The following ANKRD44 variants were observed in gnomAD, a reference collection of about 807,000 sequenced individuals.
The protein encoded by ANKRD44 is serine/threonine-protein phosphatase 6 regulatory ankyrin repeat subunit B.
ANKRD44 carries 35 observed loss-of-function variants against 116.0 expected under a neutral mutation model. The ratio of observed to expected loss-of-function variants is 0.30; its 90% CI spans 0.23 to 0.40. ANKRD44 has a LOEUF of 0.40. ANKRD44 is among the 10% of genes least tolerant of loss of function. The pLI is 1.00. For missense variants in ANKRD44, 1,014 were observed against 1,242.6 expected (o/e 0.82, Z 2.77); for synonymous variants, 435 against 461.8 (o/e 0.94, Z 0.74).
At chr2:197,081,981 G>A (rs1483520171) in intron 14 of ANKRD44, among the ~76,000 whole-genome samples, 1 of 152,140 alleles carries the variant, frequency 6.6e-6, no homozygotes, top group African/African-American at 2.4e-5. Flanking sequence ...TAACAATCAA[G>A]TTGCCCACCC....
intron 21 of ANKRD44, among the ~76,000 whole-genome samples, chr2:196,974,707 T>G (rs2075744437): frequency 6.6e-6 from 1 of 151,932 alleles, no homozygotes; most frequent in Non-Finnish European, 1.5e-5. Flanking sequence ...CTGGCCAACA[T>G]GTTGAAACCC....
chr2:197,187,546 A>T (rs891587593), intron 1 of ANKRD44, among the ~76,000 whole-genome samples: 7 of 152,230 alleles, frequency 4.6e-5, no homozygotes, highest in Admixed American at 3.3e-4. Flanking sequence ...CTTTAAGGAG[A>T]TAATTCAGAT....
chr2:197,050,227 G>C (rs540655589), intron 16 of ANKRD44, among the ~76,000 whole-genome samples: 15 of 152,046 alleles, frequency 9.9e-5, no homozygotes, highest in African/African-American at 3.4e-4. Flanking sequence ...CAACACCAAG[G>C]GGGATAGTGC....
intron 9 of ANKRD44, among the ~76,000 whole-genome samples, chr2:197,102,577 T>C (rs1263518821): frequency 6.6e-6 from 1 of 152,228 alleles, no homozygotes; most frequent in African/African-American, 2.4e-5. Context: ...TCATATGTTA[T>C]AGAAGGACCA....
At chr2:197,130,577 T>A (rs1279883070) in intron 4 of ANKRD44, among the ~76,000 whole-genome samples, 1 of 152,202 alleles carries the variant, frequency 6.6e-6, no homozygotes. Flanking sequence ...CCAGAGAGTT[T>A]AAATGCACTA....
intron 18 of ANKRD44, among the ~76,000 whole-genome samples, chr2:197,009,726 C>T (rs1258591050): frequency 6.6e-6 from 1 of 152,158 alleles, no homozygotes; most frequent in Non-Finnish European, 1.5e-5. Context: ...CCGCTGGATC[C>T]CCCTCGGCTT....
intron 1 of ANKRD44, chr2:197,263,298 C>T: frequency 1.5e-6 from 1 of 656,468 alleles, no homozygotes; most frequent in South Asian, 1.5e-5. Flanking sequence ...GAAAGCAGCG[C>T]CATTTCAAGG....
chr2:197,095,523 C>T (rs1330264476), intron 10 of ANKRD44, among the ~76,000 whole-genome samples: 2 of 152,190 alleles, frequency 1.3e-5, no homozygotes, highest in Non-Finnish European at 2.9e-5. Context: ...AAAGAGCCTG[C>T]ACCTCAGCCA....
chr2:197,077,616 G>C (rs1208623696), intron 16 of ANKRD44, among the ~76,000 whole-genome samples: 1 of 152,132 alleles, frequency 6.6e-6, no homozygotes, highest in East Asian at 1.9e-4. Context: ...TCCAAAATAG[G>C]AATACATAAA....
At chr2:197,168,465 C>G (rs1023891777) in intron 2 of ANKRD44, among the ~76,000 whole-genome samples, 1 of 152,176 alleles carries the variant, frequency 6.6e-6, no homozygotes, top group Non-Finnish European at 1.5e-5. Context: ...GGGACTCTAA[C>G]AACAAGATTT....
At chr2:197,215,375 T>C (rs1372282132) in intron 1 of ANKRD44, among the ~76,000 whole-genome samples, 1 of 152,202 alleles carries the variant, frequency 6.6e-6, no homozygotes, top group Non-Finnish European at 1.5e-5. Flanking sequence ...TGCATGTCAT[T>C]GGCTAGGCTT....
At chr2:197,146,905 C>A in intron 3 of ANKRD44, 122 bp downstream of exon 3, 2 of 680,066 alleles carry the variant, frequency 2.9e-6, no homozygotes, top group Non-Finnish European at 4.8e-6. Context: ...AATCGCCTAT[C>A]ACATAAACTT....
intron 9 of ANKRD44, among the ~76,000 whole-genome samples, chr2:197,101,789 A>G (rs1462687159): frequency 6.6e-6 from 1 of 152,226 alleles, no homozygotes; most frequent in Non-Finnish European, 1.5e-5. Context: ...TGTGGGGAGT[A>G]CTTTGTTCAA....
chr2:197,179,686 T>C (rs767837281), intron 2 of ANKRD44, among the ~76,000 whole-genome samples: 7 of 152,226 alleles, frequency 4.6e-5, no homozygotes, highest in Non-Finnish European at 1.0e-4. Flanking sequence ...TGTCTCTCTT[T>C]TGGAGGCTGG....
At chr2:196,992,510 A>T (rs745471435) in intron 27 of ANKRD44, among the ~76,000 whole-genome samples, 5 of 152,204 alleles carry the variant, frequency 3.3e-5, no homozygotes, top group Non-Finnish European at 7.3e-5. Context: ...ACACCAGGAA[A>T]AGCAAAACTA....
At chr2:197,220,454 G>A (rs925894474) in intron 1 of ANKRD44, among the ~76,000 whole-genome samples, 1 of 152,068 alleles carries the variant, frequency 6.6e-6, no homozygotes, top group African/African-American at 2.4e-5. Flanking sequence ...TATTGTCATT[G>A]TGTATTTCAA....
At chr2:197,132,616 G>A (rs2079119731) in intron 4 of ANKRD44, among the ~76,000 whole-genome samples, 1 of 152,062 alleles carries the variant, frequency 6.6e-6, no homozygotes, top group African/African-American at 2.4e-5. Context: ...AGGTTTCAGT[G>A]GCTTAGTTGG....
At chr2:197,122,554 T>C in intron 7 of ANKRD44, 96 bp downstream of exon 7, 7 of 1,466,336 alleles carry the variant, frequency 4.8e-6, no homozygotes, top group Non-Finnish European at 6.4e-6. Context: ...ACAATTCCCC[T>C]GCCCTTGAAT....
At chr2:197,022,129 T>C (rs75665418) in intron 17 of ANKRD44, among the ~76,000 whole-genome samples, 12,631 of 152,240 alleles carry the variant, frequency 0.083, 687 homozygotes, top group African/African-American at 0.15. Flanking sequence ...GCTAGATGGC[T>C]TCCACCTAAG....
Sources: allele counts gnomAD v4.1 joint callset (sites outside exome capture counted in the v4.1 genomes callset), GRCh38; gene constraint gnomAD v4.1.1; transcripts MANE v1.5; gene names NCBI Gene and HGNC (gene_info 2026-07-23, HGNC 2026-07-21).